STK3: variants seen among roughly 807,000 people sequenced by gnomAD.
The protein encoded by STK3 is serine/threonine kinase 3.
STK3 carries 41 observed loss-of-function variants against 58.0 expected under a neutral mutation model. The ratio of observed to expected loss-of-function variants is 0.71; its 90% CI spans 0.55 to 0.92. The LOEUF (loss-of-function observed/expected upper bound fraction) is 0.92. Among genes scored for constraint, STK3 ranks in the 40% least tolerant of loss-of-function variants. The pLI, the probability that STK3 is intolerant of heterozygous loss-of-function variation, is 0.00. For synonymous variants in STK3, 170 were observed against 191.0 expected (o/e 0.89, Z 0.91); for missense variants, 479 against 602.7 (o/e 0.79, Z 2.15).
At chr8:98,646,332 C>T (rs1820394806) in intron 6 of STK3, among the ~76,000 whole-genome samples, 1 of 152,124 alleles carries the variant, frequency 6.6e-6, no homozygotes, top group Non-Finnish European at 1.5e-5. Flanking sequence ...CAGAAAACAC[C>T]CAGTTTTCCT....
intron 6 of STK3, among the ~76,000 whole-genome samples, chr8:98,622,185 C>G (rs1265713609): frequency 6.6e-6 from 1 of 150,558 alleles, no homozygotes; most frequent in Non-Finnish European, 1.5e-5. Flanking sequence ...AGGAGAATCT[C>G]TTGAACCCAG....
chr8:98,443,709 A>G (rs1818785049), intron 1 of STK3, among the ~76,000 whole-genome samples: 1 of 152,172 alleles, frequency 6.6e-6, no homozygotes, highest in African/African-American at 2.4e-5. Context: ...TTAGCCGGGC[A>G]TGGTGGCACG....
chr8:98,436,336 G>A (rs1451285920), intron 2 of STK3, among the ~76,000 whole-genome samples: 1 of 152,026 alleles, frequency 6.6e-6, no homozygotes, highest in Non-Finnish European at 1.5e-5. Context: ...GGACCCCTGT[G>A]TCTCCTGCCC....
chr8:98,713,474 T>A (rs1483862194), intron 4 of STK3, among the ~76,000 whole-genome samples: 2 of 152,126 alleles, frequency 1.3e-5, no homozygotes. Context: ...AAATACAGAC[T>A]ACCATCAGAG....
chr8:98,456,792 C>T (rs551717316), intron 10 of STK3, among the ~76,000 whole-genome samples: 1 of 152,152 alleles, frequency 6.6e-6, no homozygotes, highest in Non-Finnish European at 1.5e-5. Context: ...AGATAATTGC[C>T]TTTGGTTATT....
intron 3 of STK3, among the ~76,000 whole-genome samples, chr8:98,842,310 A>G (rs1836022881): frequency 6.6e-6 from 1 of 152,234 alleles, no homozygotes; most frequent in Non-Finnish European, 1.5e-5. Context: ...AAGGAAATAC[A>G]TAAAAAGAGC....
At chr8:98,822,921 A>C (rs1835002261) in intron 1 of STK3, among the ~76,000 whole-genome samples, 2 of 152,202 alleles carry the variant, frequency 1.3e-5, no homozygotes, top group African/African-American at 4.8e-5. Flanking sequence ...CCAGCCTCTC[A>C]GGAGGCTGAG....
At chr8:98,479,118 T>G (rs760397471) in intron 10 of STK3, among the ~76,000 whole-genome samples, 1 of 152,134 alleles carries the variant, frequency 6.6e-6, no homozygotes, top group African/African-American at 2.4e-5. Flanking sequence ...TCCACCTGCA[T>G]GAAGACATGA....
chr8:98,547,925 T>C (rs1420989455), intron 9 of STK3, 44 bp downstream of exon 9: 17 of 1,463,112 alleles, frequency 1.2e-5, no homozygotes, highest in Admixed American at 2.4e-5. Context: ...AAAAGTATCC[T>C]TTCGAATTAG....
intron 10 of STK3, among the ~76,000 whole-genome samples, chr8:98,508,952 T>C (rs572699682): frequency 4.6e-5 from 7 of 152,208 alleles, no homozygotes; most frequent in East Asian, 1.9e-4. Flanking sequence ...ACCTTATAAA[T>C]TGAGTAAACA....
At chr8:98,482,498 G>A (rs180995729) in intron 10 of STK3, among the ~76,000 whole-genome samples, 27 of 152,310 alleles carry the variant, frequency 1.8e-4, no homozygotes, top group Admixed American at 1.4e-3. Flanking sequence ...GATGGATAAA[G>A]ACATGTTTTC....
chr8:98,916,073 G>A (rs1453285603), intron 1 of STK3, among the ~76,000 whole-genome samples: 2 of 152,066 alleles, frequency 1.3e-5, no homozygotes, highest in Admixed American at 6.6e-5. Flanking sequence ...AAGCTAAGGA[G>A]AGCAAGTGTC....
At chr8:98,612,398 T>TATAC (rs1817272112) in intron 6 of STK3, among the ~76,000 whole-genome samples, 1 of 148,570 alleles carries the variant, frequency 6.7e-6, no homozygotes, top group African/African-American at 2.5e-5. Flanking sequence ...TATATATATA[T>TATAC]ACACACACAC....
intron 3 of STK3, among the ~76,000 whole-genome samples, chr8:98,858,330 A>G (rs1239521977): frequency 8.0e-6 from 1 of 125,270 alleles, no homozygotes; most frequent in African/African-American, 3.0e-5. Flanking sequence ...ATATAGAGAG[A>G]GAGAGAGAGA....
At chr8:98,613,654 A>AG (rs1321852086) in intron 6 of STK3, among the ~76,000 whole-genome samples, 2 of 152,104 alleles carry the variant, frequency 1.3e-5, no homozygotes, top group Admixed American at 6.5e-5. Flanking sequence ...GTAAAAAAAA[A>AG]GAAAACAGAA....
chr8:98,452,670 A>T (rs377141247), downstream of STK3, among the ~76,000 whole-genome samples: 6 of 152,200 alleles, frequency 3.9e-5, no homozygotes, highest in African/African-American at 1.4e-4. Flanking sequence ...CCAGGTTAAA[A>T]TAGGTTTCTT....
intron 6 of STK3, among the ~76,000 whole-genome samples, chr8:98,658,793 T>C (rs982071599): frequency 6.6e-6 from 1 of 152,048 alleles, no homozygotes; most frequent in Non-Finnish European, 1.5e-5. Context: ...GAATTACTAA[T>C]GAGACAAATC....
chr8:98,385,215 A>G (rs1207811451), intron 1 of STK3, among the ~76,000 whole-genome samples: 3 of 150,842 alleles, frequency 2.0e-5, no homozygotes, highest in Non-Finnish European at 1.5e-5. Context: ...GCTGAGCCCT[A>G]GATAGATTTG....
At chr8:98,542,262 TCTC>T (rs1810338747) in intron 9 of STK3, among the ~76,000 whole-genome samples, 1 of 152,096 alleles carries the variant, frequency 6.6e-6, no homozygotes, top group African/African-American at 2.4e-5. Flanking sequence ...TCCATGACAC[TCTC>T]CTCATTTTCT....
Sources: allele counts gnomAD v4.1 joint callset (sites outside exome capture counted in the v4.1 genomes callset), GRCh38; gene constraint gnomAD v4.1.1; transcripts MANE v1.5; gene names NCBI Gene and HGNC (gene_info 2026-07-23, HGNC 2026-07-21).